The following NR2C1 variants were observed in gnomAD, a reference collection of about 807,000 sequenced individuals.
NR2C1 encodes nuclear receptor subfamily 2 group C member 1.
A neutral mutation model predicts 74.8 loss-of-function variants in NR2C1; 33 were observed. The observed-to-expected ratio is 0.44, with a 90% CI of 0.33 to 0.59. The LOEUF (loss-of-function observed/expected upper bound fraction) is 0.59. Among genes scored for constraint, NR2C1 ranks in the 20% least tolerant of loss-of-function variants. NR2C1 has a pLI of 0.02. For missense variants in NR2C1, 568 were observed against 715.6 expected, an observed-to-expected ratio of 0.79 and a Z score of 2.35; for synonymous variants, 225 against 240.6, an observed-to-expected ratio of 0.94 and a Z score of 0.60.
intron 1 of NR2C1, among the ~76,000 whole-genome samples, chr12:95,071,396 T>C (rs1200650280): frequency 6.6e-6 from 1 of 152,218 alleles, no homozygotes; most frequent in African/African-American, 2.4e-5. Flanking sequence ...TTCAAGAGGC[T>C]GTAGATGGTC....
intron 7 of NR2C1, among the ~76,000 whole-genome samples, chr12:95,056,234 A>T (rs922816677): frequency 6.6e-6 from 1 of 152,044 alleles, no homozygotes; most frequent in Non-Finnish European, 1.5e-5. Flanking sequence ...CCACCACCGT[A>T]CCCCCAGCTT....
chr12:95,030,760 A>G (rs1869993684), intron 11 of NR2C1: 15 of 1,609,604 alleles, frequency 9.3e-6, no homozygotes, highest in Non-Finnish European at 1.2e-5. Context: ...AATTTTCCCC[A>G]TTTGTTGATG....
Position 95,058,416 on chromosome 12 carries a change from T to A in NR2C1, c.438A>T (p.Val146=). 1 of 1,613,704 alleles carries A rather than the reference T, an allele frequency of 6.2e-7. No individual in the cohort carries two copies. The highest frequency in any genetic ancestry group is 8.5e-7 in the Non-Finnish European group (1 of 1,179,812). ...AATCCTTTGATCCTCGACATGAATATACTAAATTTTTTCGGATGCTTCTTT... is the reference window on the plus strand; with the variant it reads ...AATCCTTTGATCCTCGACATGAATAAACTAAATTTTTTCGGATGCTTCTTT... ...FFKRSIRKNL[V]YSCRGSKDCI... Residue 146 remains valine (V), a synonymous_variant, in exon 5 of 14, where the codon GTA becomes GTT. Coordinates refer to ENST00000333003, the MANE Select transcript of NR2C1 (RefSeq NM_003297.4).
intron 3 of NR2C1, 22 bp from the exon 4 acceptor site, chr12:95,060,006 A>AG: frequency 1.4e-6 from 2 of 1,449,866 alleles, no homozygotes; most frequent in Non-Finnish European, 1.9e-6. Flanking sequence ...AAAAAAAAAA[A>AG]AGAAAACAAA....
intron 9 of NR2C1, among the ~76,000 whole-genome samples, chr12:95,045,344 T>C (rs1439104383): frequency 6.6e-6 from 1 of 152,112 alleles, no homozygotes; most frequent in Admixed American, 6.5e-5. Context: ...TTTCATAACA[T>C]ATGGGCAATG....
At chr12:95,029,924 A>G (rs1012581065) in intron 11 of NR2C1, among the ~76,000 whole-genome samples, 2 of 152,054 alleles carry the variant, frequency 1.3e-5, no homozygotes, top group Non-Finnish European at 2.9e-5. Context: ...GCTAGGGTGT[A>G]GTGGTGCCAT....
At chr12:95,030,776 C>T (rs1433211996) in intron 11 of NR2C1, 13 of 1,611,712 alleles carry the variant, frequency 8.1e-6, no homozygotes, top group Non-Finnish European at 1.1e-5. Flanking sequence ...TGATGGGGCA[C>T]TGTTTTGGGT....
At position 95,067,359 on chromosome 12, in the gene NR2C1, T is replaced by C. The variant is rs1192410076; in HGVS notation, c.26A>G (p.His9Arg). 6 of 1,613,974 alleles carry C rather than the reference T, an allele frequency of 3.7e-6. No homozygotes were observed. The highest frequency in any genetic ancestry group is 2.2e-5 in the East Asian group (1 of 44,862). The change falls in exon 2 of 14, where the codon CAT (histidine) becomes CGT (arginine). Residue 9 changes from histidine to arginine, a missense_variant. Physicochemically the swap from His to Arg is conservative, Grantham distance 29. Around this residue, in one of 6 missense-constraint regions of NR2C1, gnomAD observed 128 missense variants for 118.9 expected, o/e 1.08. Transcript: ENST00000333003. ...TCCCATCTGTTGTTCAATAATTTGA[T>C]GTGCAATTTCTTCTATGGTTGCCAT... Reference protein sequence around the residue: MATIEEIAHQIIEQQMGEI... With the variant: MATIEEIARQIIEQQMGEI...
At chr12:95,038,556 G>C (rs1197297802) in intron 10 of NR2C1, among the ~76,000 whole-genome samples, 1 of 152,224 alleles carries the variant, frequency 6.6e-6, no homozygotes, top group African/African-American at 2.4e-5. Flanking sequence ...CCAGCAGTTT[G>C]AGAACTGCCT....
intron 13 of NR2C1, among the ~76,000 whole-genome samples, chr12:95,024,337 A>G (rs1469219980): frequency 6.6e-6 from 1 of 152,158 alleles, no homozygotes; most frequent in Non-Finnish European, 1.5e-5. Flanking sequence ...AAAAGTGGGT[A>G]TTAGTATTAT....
At chr12:95,057,482 G>C (rs1874088752) in intron 7 of NR2C1, 71 bp downstream of exon 7, 2 of 1,095,852 alleles carry the variant, frequency 1.8e-6, no homozygotes, top group African/African-American at 1.6e-5. Flanking sequence ...ATTTACCAAA[G>C]CAAAGGAAGT....
intron 2 of NR2C1, among the ~76,000 whole-genome samples, chr12:95,066,211 T>C (rs1592795222): frequency 6.6e-6 from 1 of 152,242 alleles, no homozygotes; most frequent in Middle Eastern, 3.4e-3. Flanking sequence ...GTTGTTTTGG[T>C]TATAACAAGG....
chr12:95,065,689 C>T (rs752655469), intron 2 of NR2C1, among the ~76,000 whole-genome samples: 2 of 152,064 alleles, frequency 1.3e-5, no homozygotes, highest in Non-Finnish European at 2.9e-5. Flanking sequence ...CAGGGGCTCA[C>T]ACCTGTAATC....
intron 9 of NR2C1, among the ~76,000 whole-genome samples, chr12:95,046,452 G>A (rs1007755871): frequency 1.3e-5 from 2 of 152,160 alleles, no homozygotes; most frequent in African/African-American, 4.8e-5. Context: ...GCTGGGTGTG[G>A]TGGCACATGC....
intron 7 of NR2C1, among the ~76,000 whole-genome samples, chr12:95,056,993 T>TAAAATAAAATA (rs1450843005): frequency 9.3e-5 from 14 of 150,168 alleles, no homozygotes; most frequent in Middle Eastern, 3.5e-3. Context: ...ACACCTATAA[T>TAAAATAAAATA]AAATGTCTTA....
chr12:95,054,170 T>C (rs1212628894), intron 7 of NR2C1, among the ~76,000 whole-genome samples: 10 of 152,090 alleles, frequency 6.6e-5, no homozygotes, highest in Non-Finnish European at 2.9e-5. Flanking sequence ...TCTTACATAA[T>C]TAATACCTAT....
chr12:95,028,290 T>C (rs770052843), intron 12 of NR2C1, 97 bp downstream of exon 12: 3 of 955,740 alleles, frequency 3.1e-6, no homozygotes, highest in Non-Finnish European at 4.7e-6. Context: ...CCCAGGTAAC[T>C]GCACCATTTT....
At chr12:95,036,285 A>AG (rs1870814960) in intron 10 of NR2C1, among the ~76,000 whole-genome samples, 1 of 151,410 alleles carries the variant, frequency 6.6e-6, no homozygotes, top group Non-Finnish European at 1.5e-5. Flanking sequence ...AAAAAAAAAA[A>AG]AAAAAGGCCG....
At chr12:95,071,226 T>A (rs1337580290) in intron 1 of NR2C1, among the ~76,000 whole-genome samples, 2 of 151,892 alleles carry the variant, frequency 1.3e-5, no homozygotes, top group African/African-American at 4.8e-5. Flanking sequence ...AAAATTTTGA[T>A]TCAAATAGTT....
Sources: allele counts gnomAD v4.1 joint callset (sites outside exome capture counted in the v4.1 genomes callset), GRCh38; gene constraint gnomAD v4.1.1; regional missense constraint gnomAD v4.1.1; transcripts MANE v1.5; gene names NCBI Gene and HGNC (gene_info 2026-07-23, HGNC 2026-07-21).